Variants in PPP1R13B observed in about 807,000 individuals in gnomAD.
PPP1R13B encodes the protein apoptosis-stimulating of p53 protein 1.
Under a neutral mutation model 119.8 loss-of-function variants are expected in PPP1R13B, and 44 were observed. That is an observed-to-expected ratio of 0.37 (90% confidence interval 0.29 to 0.47). PPP1R13B has a LOEUF of 0.47. Among genes scored for constraint, PPP1R13B ranks in the 20% least tolerant of loss-of-function variants. The pLI is 0.99. For synonymous variants in PPP1R13B, 542 were observed against 561.5 expected, an observed-to-expected ratio of 0.97 and a Z score of 0.49; for missense variants, 1,227 against 1,413.5, an observed-to-expected ratio of 0.87 and a Z score of 2.12.
chr14:103,827,701 T>C (rs1271058577), intron 1 of PPP1R13B, among the ~76,000 whole-genome samples: 2 of 149,236 alleles, frequency 1.3e-5, no homozygotes. Context: ...TCATTAACCA[T>C]AAAGCTTCAG....
intron 8 of PPP1R13B, among the ~76,000 whole-genome samples, chr14:103,749,190 G>A (rs998451617): frequency 3.9e-5 from 6 of 151,916 alleles, no homozygotes; most frequent in South Asian, 2.1e-4. Context: ...GTATTTTATC[G>A]TATTATTTTT....
intron 1 of PPP1R13B, among the ~76,000 whole-genome samples, chr14:103,843,043 T>C (rs1407946030): frequency 6.6e-6 from 1 of 151,882 alleles, no homozygotes; most frequent in Non-Finnish European, 1.5e-5. Flanking sequence ...ACGAAAAGTT[T>C]TACTAGCTAC....
At chr14:103,746,097 C>T (rs1180382208) in intron 9 of PPP1R13B, among the ~76,000 whole-genome samples, 4 of 152,386 alleles carry the variant, frequency 2.6e-5, no homozygotes, top group African/African-American at 9.6e-5. Flanking sequence ...TGAGCCACTG[C>T]ACCCGGCCCA....
intron 9 of PPP1R13B, chr14:103,743,038 C>A: frequency 1.8e-6 from 1 of 565,200 alleles, no homozygotes; most frequent in Non-Finnish European, 3.1e-6. Context: ...GCTCTGCTGG[C>A]AGCTCACTGC....
chr14:103,757,806 T>C, intron 4 of PPP1R13B, 55 bp from the exon 5 acceptor site: 1 of 1,480,332 alleles, frequency 6.8e-7, no homozygotes, highest in Non-Finnish European at 9.4e-7. Context: ...ATTGTCTGTC[T>C]CTAGTGTCAA....
At chr14:103,844,249 A>G (rs2086975374) in intron 1 of PPP1R13B, among the ~76,000 whole-genome samples, 2 of 151,854 alleles carry the variant, frequency 1.3e-5, no homozygotes, top group Non-Finnish European at 2.9e-5. Flanking sequence ...CCTTGGCAAC[A>G]GGAGTGAAAC....
At chr14:103,816,618 G>GA (rs2086287155) in intron 1 of PPP1R13B, among the ~76,000 whole-genome samples, 1 of 149,470 alleles carries the variant, frequency 6.7e-6, no homozygotes, top group African/African-American at 2.5e-5. Context: ...CCGGGAGGTG[G>GA]AGGTTGCACC....
Position 103,742,692 on chromosome 14 carries a change from G to A in PPP1R13B, c.1282C>T (p.Pro428Ser). The change falls in exon 10 of 17, where the codon CCT becomes TCT. Residue 428 changes from proline to serine, a missense_variant. By Grantham distance (74) the Pro-to-Ser change is moderately conservative. Coordinates refer to ENST00000202556, the MANE Select transcript of PPP1R13B (RefSeq NM_015316.3). The surrounding 1 kb of genome is among the most constrained non-coding windows in gnomAD (Gnocchi z 4.9). ...SVKQGTVSSQ[P>S]VPFSALGPTE... ...GGTCCCAGTGCTGAGAAGGGCACAG[G>A]CTGGCTGGAGACAGTGCCCTGCTTG... 4 of 1,613,996 alleles carry A rather than the reference G, an allele frequency of 2.5e-6. No homozygotes were observed. The highest frequency in any genetic ancestry group is 1.3e-5 in the African/African-American group (1 of 75,058).
At position 103,831,407 on chromosome 14, in the gene PPP1R13B, T is replaced by TC. The variant is rs200721250; in HGVS notation, c.9+15891dup. 7.4e-3 allele frequency among the ~76,000 whole-genome samples: 1,117 copies of TC among 150,770 alleles called. 15 individuals are homozygous for TC. Among genetic ancestry groups the TC allele is most frequent in the African/African-American group, 0.026 (1,068 of 41,244 alleles). On this transcript the variant is annotated intron_variant, in intron 1 of 16. Coordinates refer to ENST00000202556, the MANE Select transcript of PPP1R13B (RefSeq NM_015316.3). ...TCACTGCAATCTCTGCCTCCCAGGT[T>TC]CAAGTGATTCTCGTATCTCAGCCTC...
intron 2 of PPP1R13B, among the ~76,000 whole-genome samples, chr14:103,785,517 C>CTTTT (rs57736391): frequency 1.7e-5 from 2 of 120,180 alleles, no homozygotes; most frequent in African/African-American, 3.3e-5. Flanking sequence ...CACACTCAGC[C>CTTTT]TTTTTTTTTT....
rs1214239493 is a variant in PPP1R13B at position 103,733,893 on chromosome 14, G to GTGA, written c.*1258_*1260dup. 2 of 153,534 alleles carry GTGA rather than the reference G, an allele frequency of 1.3e-5. No individual in the cohort carries two copies. The highest frequency in any genetic ancestry group is 2.4e-5 in the African/African-American group (1 of 41,432). 9.5% of individuals were successfully genotyped at this position (153,534 alleles called of 1,614,324 possible). On this transcript the variant is annotated 3_prime_UTR_variant, in exon 17 of 17. Coordinates refer to ENST00000202556, the MANE Select transcript of PPP1R13B (RefSeq NM_015316.3). ...CACTATGTACAGTCAGTGCTCCAAGGTGATGGGCTACAGTGCTGCATCAGT... is the reference window on the plus strand; with the variant it reads ...CACTATGTACAGTCAGTGCTCCAAGGTGATGATGGGCTACAGTGCTGCATCAGT...
chr14:103,774,940 T>C (rs1192521756), intron 4 of PPP1R13B, among the ~76,000 whole-genome samples: 1 of 152,164 alleles, frequency 6.6e-6, no homozygotes, highest in Non-Finnish European at 1.5e-5. Flanking sequence ...GGAGCTCTCA[T>C]ACCTTCCTCT....
upstream of PPP1R13B, chr14:103,847,695 G>C (rs965796177): frequency 5.2e-5 from 46 of 890,378 alleles, no homozygotes; most frequent in South Asian, 1.5e-4. Context: ...GGGGAGAGGG[G>C]CGGGGCTTCC....
chr14:103,846,169 T>C (rs1448664995), intron 1 of PPP1R13B, among the ~76,000 whole-genome samples: 1 of 152,174 alleles, frequency 6.6e-6, no homozygotes, highest in Non-Finnish European at 1.5e-5. Context: ...ACAAGTCTGA[T>C]GCTAAAGAAA....
At chr14:103,736,445 C>A (rs373933722) in intron 15 of PPP1R13B, 12 of 579,788 alleles carry the variant, frequency 2.1e-5, no homozygotes, top group Non-Finnish European at 3.4e-5. Flanking sequence ...ACAGGACAAA[C>A]GAGCTCCTGA....
In PPP1R13B at chr14:103,741,836, A is replaced by T. The variant is rs771917864; in HGVS notation, c.1776T>A (p.Asn592Lys). 1 of 1,614,192 alleles carries T rather than the reference A, an allele frequency of 6.2e-7. No individual in the cohort carries two copies. The highest frequency in any genetic ancestry group is 1.7e-5 in the Admixed American group (1 of 60,020). The change falls in exon 11 of 17, where the codon AAT becomes AAA. Residue 592 changes from asparagine to lysine, a missense_variant. Physicochemically the swap from Asn to Lys is moderately conservative, Grantham distance 94. Transcript: ENST00000202556. ...MYLQQATPPKNYQPAAHSALN... is the reference protein window; with the variant it reads ...MYLQQATPPKKYQPAAHSALN... ...AGGCGCTGTGTGCTGCCGGCTGGTAATTCTTAGGTGGTGTGGCTTGCTGGA... is the reference window on the plus strand; with the variant it reads ...AGGCGCTGTGTGCTGCCGGCTGGTATTTCTTAGGTGGTGTGGCTTGCTGGA...
In PPP1R13B at chr14:103,740,309, G is replaced by A. The variant is rs759308075; in HGVS notation, c.2107C>T (p.Arg703Trp). ...ALRRKLANAP[R>W]PLKKRSSITE... ...ATGGAGCTGCGCTTTTTCAGGGGCC[G>A]GGGCGCGTTGGCCAGCTTCCTGCGG... Residue 703 changes from arginine to tryptophan, a missense_variant, in exon 12 of 17, where the codon CGG becomes TGG. Transcript: ENST00000202556. The surrounding 1 kb of genome is among the most constrained non-coding windows in gnomAD (Gnocchi z 4.6). 7.6e-6 allele frequency: 12 copies of A among 1,577,652 alleles called. No homozygotes were observed. Among genetic ancestry groups the A allele is most frequent in the Non-Finnish European group, 3.4e-6 (4 of 1,162,256 alleles).
At chr14:103,762,657 C>T in intron 4 of PPP1R13B, 2 of 520,502 alleles carry the variant, frequency 3.8e-6, no homozygotes, top group Non-Finnish European at 6.9e-6. Flanking sequence ...ACTGCTGCAG[C>T]CTCTGGAAGC....
At chr14:103,827,345 A>G (rs1180610683) in intron 1 of PPP1R13B, among the ~76,000 whole-genome samples, 2 of 152,088 alleles carry the variant, frequency 1.3e-5, no homozygotes, top group Admixed American at 1.3e-4. Flanking sequence ...AAAAGACTGT[A>G]CTAGATACTT....
Sources: gnomAD v4.1 joint callset for allele counts (sites outside exome capture counted in the v4.1 genomes callset) on GRCh38, gnomAD v4.1.1 for gene constraint, Gnocchi (gnomAD v3.1) non-coding constraint, MANE v1.5 for transcripts, NCBI Gene and HGNC (gene_info 2026-07-23, HGNC 2026-07-21) for gene names.